The following PTPDC1 variants were observed in gnomAD, a reference collection of about 807,000 sequenced individuals.
PTPDC1 encodes the protein protein tyrosine phosphatase domain-containing protein 1.
A neutral mutation model predicts 75.3 loss-of-function variants in PTPDC1; 53 were observed. That is an observed-to-expected ratio of 0.70 (90% CI 0.56 to 0.88). PTPDC1 has a LOEUF of 0.88. Among genes scored for constraint, PTPDC1 ranks in the 40% least tolerant of loss-of-function variants. The pLI is 0.00. For synonymous variants in PTPDC1, 349 were observed against 366.2 expected (o/e 0.95, Z 0.54); for missense variants, 925 against 998.6 (o/e 0.93, Z 0.99).
At chr9:94,070,493 A>C (rs1826477185) in intron 2 of PTPDC1, among the ~76,000 whole-genome samples, 1 of 152,248 alleles carries the variant, frequency 6.6e-6, no homozygotes, top group Admixed American at 6.5e-5. Flanking sequence ...CAAATATAAG[A>C]AATAATACAG....
chr9:94,065,142 T>C (rs1539282), intron 2 of PTPDC1, among the ~76,000 whole-genome samples: 46,679 of 152,170 alleles, frequency 0.31, 7,405 homozygotes, highest in Admixed American at 0.39. Flanking sequence ...CTTTCATTAG[T>C]TGTAAGTGCC....
At chr9:94,053,356 A>G (rs979480008) in intron 1 of PTPDC1, among the ~76,000 whole-genome samples, 15 of 151,078 alleles carry the variant, frequency 9.9e-5, no homozygotes, top group African/African-American at 2.0e-4. Flanking sequence ...GGTGATTTGG[A>G]AAAAAAAAGG....
At chr9:94,078,756 G>A (rs1826779568) in intron 2 of PTPDC1, among the ~76,000 whole-genome samples, 2 of 152,132 alleles carry the variant, frequency 1.3e-5, no homozygotes, top group African/African-American at 4.8e-5. Flanking sequence ...CAGATCCTCT[G>A]TTGAGCTGCT....
chr9:94,093,177 T>G (rs2118027611), intron 4 of PTPDC1, among the ~76,000 whole-genome samples: 1 of 152,228 alleles, frequency 6.6e-6, no homozygotes, highest in African/African-American at 2.4e-5. Context: ...TTCTTCCTAG[T>G]CTCAATGGTC....
chr9:94,046,371 A>G (rs1211681020), intron 1 of PTPDC1, among the ~76,000 whole-genome samples: 5 of 152,104 alleles, frequency 3.3e-5, no homozygotes, highest in Admixed American at 1.3e-4. Flanking sequence ...GTTTTTTCCA[A>G]TTCTGTGAAG....
At chr9:94,098,864 A>G (rs1038693888) in intron 6 of PTPDC1, among the ~76,000 whole-genome samples, 1 of 152,202 alleles carries the variant, frequency 6.6e-6, no homozygotes, top group Non-Finnish European at 1.5e-5. Context: ...TCCTGGGCCT[A>G]TGGGGGCAAC....
chr9:94,104,095 A>G (rs986136263), intron 7 of PTPDC1, among the ~76,000 whole-genome samples, 180 bp from the exon 8 acceptor site: 3 of 152,374 alleles, frequency 2.0e-5, no homozygotes, highest in African/African-American at 7.2e-5. Context: ...AAGCTTTTCA[A>G]ATTATATTAA....
At chr9:94,089,788 G>A (rs1480493547) in intron 4 of PTPDC1, among the ~76,000 whole-genome samples, 8 of 42,400 alleles carry the variant, frequency 1.9e-4, no homozygotes, top group East Asian at 6.2e-4. Context: ...GTGTGAGATG[G>A]TATCTCATTG....
intron 1 of PTPDC1, among the ~76,000 whole-genome samples, chr9:94,056,262 CAT>C (rs1253692005): frequency 2.0e-5 from 3 of 152,094 alleles, no homozygotes; most frequent in African/African-American, 7.2e-5. Flanking sequence ...TATTAATGAG[CAT>C]AAAAATATTT....
chr9:94,048,394 T>G (rs186109489), intron 1 of PTPDC1, among the ~76,000 whole-genome samples: 66 of 152,216 alleles, frequency 4.3e-4, no homozygotes, highest in African/African-American at 1.2e-3. Context: ...CAGAGATTCT[T>G]GTATGTTGTG....
intron 1 of PTPDC1, among the ~76,000 whole-genome samples, chr9:94,035,301 G>A (rs1414117393): frequency 6.6e-6 from 1 of 152,170 alleles, no homozygotes; most frequent in African/African-American, 2.4e-5. Context: ...CTGAGGCTTT[G>A]TACCCTTTTG....
intron 7 of PTPDC1, among the ~76,000 whole-genome samples, chr9:94,102,694 C>G (rs1827885348): frequency 6.6e-6 from 1 of 152,124 alleles, no homozygotes; most frequent in African/African-American, 2.4e-5. Flanking sequence ...ATTCTCCTGC[C>G]TCAGCCTCCC....
intron 1 of PTPDC1, among the ~76,000 whole-genome samples, chr9:94,054,818 A>G (rs1025964884): frequency 2.0e-5 from 3 of 152,218 alleles, no homozygotes; most frequent in Non-Finnish European, 4.4e-5. Flanking sequence ...TTTCTAGGAA[A>G]AAGCAAAACA....
At chr9:94,038,847 C>A (rs1825350151) in intron 1 of PTPDC1, among the ~76,000 whole-genome samples, 1 of 152,180 alleles carries the variant, frequency 6.6e-6, no homozygotes, top group Admixed American at 6.5e-5. Flanking sequence ...TTATGCCAAT[C>A]TAACCAGAAT....
At chr9:94,072,669 T>G (rs1301979065) in intron 2 of PTPDC1, among the ~76,000 whole-genome samples, 1 of 152,202 alleles carries the variant, frequency 6.6e-6, no homozygotes, top group Non-Finnish European at 1.5e-5. Context: ...CAGCAAGTTT[T>G]CCATAACAAG....
rs567847890 is a variant in PTPDC1 at position 94,042,503 on chromosome 9, G to A, written c.-7+11376G>A. Among the ~76,000 whole-genome samples, 22 of 152,252 alleles carry A rather than the reference G, an allele frequency of 1.4e-4. No homozygotes were observed. In the South Asian group the frequency reaches 4.2e-3, roughly 29 times the overall value. ...ACTGTAGTTTATTAAGTGTGCAGTA[G>A]CATTAGGTCTAAAAAAAATAATGTA... On this transcript the variant is annotated intron_variant, in intron 1 of 9. Coordinates refer to the PTPDC1 transcript ENST00000375360.
chr9:94,038,696 A>G (rs557146918), intron 1 of PTPDC1, among the ~76,000 whole-genome samples: 1 of 152,210 alleles, frequency 6.6e-6, no homozygotes, highest in Non-Finnish European at 1.5e-5. Context: ...AGTTATGTGA[A>G]TATATTTAAA....
chr9:94,034,600 T>C (rs1287437905), intron 1 of PTPDC1, among the ~76,000 whole-genome samples: 1 of 152,104 alleles, frequency 6.6e-6, no homozygotes, highest in Non-Finnish European at 1.5e-5. Flanking sequence ...CAGTTAAAGA[T>C]TTCCTAGGTC....
At chr9:94,095,886 T>G (rs1827545535) in intron 5 of PTPDC1, among the ~76,000 whole-genome samples, 1 of 152,212 alleles carries the variant, frequency 6.6e-6, no homozygotes. Flanking sequence ...CATTTTAAAG[T>G]CTTTAGCAAC....
Sources: allele counts gnomAD v4.1 joint callset (sites outside exome capture counted in the v4.1 genomes callset), GRCh38; gene constraint gnomAD v4.1.1; transcripts MANE v1.5; gene names NCBI Gene and HGNC (gene_info 2026-07-23, HGNC 2026-07-21).